Variants in DOCK7 observed in about 807,000 individuals in gnomAD.
DOCK7 encodes the protein dedicator of cytokinesis 7.
A neutral mutation model predicts 271.0 loss-of-function variants in DOCK7; 138 were observed. The ratio of observed to expected loss-of-function variants is 0.51; its 90% confidence interval spans 0.44 to 0.59. The LOEUF is 0.59. Among genes scored for constraint, DOCK7 ranks in the 20% least tolerant of loss-of-function variants. The pLI, the probability that DOCK7 is intolerant of heterozygous loss-of-function variation, is 0.00. For missense variants in DOCK7, 2,066 were observed against 2,592.4 expected, an observed-to-expected ratio of 0.80 and a Z score of 4.41; for synonymous variants, 823 against 876.1, an observed-to-expected ratio of 0.94 and a Z score of 1.07.
At chr1:62,677,602 CA>C (rs1397007952) in intron 1 of DOCK7, among the ~76,000 whole-genome samples, 1 of 151,268 alleles carries the variant, frequency 6.6e-6, no homozygotes, top group African/African-American at 2.4e-5. Context: ...GTGATATATC[CA>C]GAGTATCTGC....
chr1:62,579,257 G>A (rs899373549), intron 16 of DOCK7, among the ~76,000 whole-genome samples: 1 of 152,060 alleles, frequency 6.6e-6, no homozygotes, highest in Non-Finnish European at 1.5e-5. Flanking sequence ...CCATTAGATT[G>A]GAAGCTGCAT....
intron 41 of DOCK7, among the ~76,000 whole-genome samples, chr1:62,490,087 A>G (rs184623441): frequency 7.0e-6 from 1 of 142,026 alleles, no homozygotes; most frequent in African/African-American, 2.6e-5. Context: ...TTTAAATAAT[A>G]AGAGACAGGG....
intron 14 of DOCK7, chr1:62,605,290 G>A (rs1395745995): frequency 6.5e-6 from 1 of 155,020 alleles, no homozygotes; most frequent in African/African-American, 2.4e-5. Context: ...ACTAAAAATC[G>A]TCAGCACAGA....
intron 43 of DOCK7, chr1:62,482,124 T>C (rs1388048380): frequency 6.6e-6 from 1 of 152,176 alleles, no homozygotes; most frequent in Non-Finnish European, 1.5e-5. Context: ...ACAACAAAAA[T>C]AACAACTTTC....
At chr1:62,619,678 G>A (rs7550508) in intron 13 of DOCK7, among the ~76,000 whole-genome samples, 8 of 152,146 alleles carry the variant, frequency 5.3e-5, no homozygotes, top group Non-Finnish European at 1.0e-4. Context: ...GAAACAATAG[G>A]TAAGTGGGGA....
At chr1:62,585,185 A>C (rs1371616264) in intron 15 of DOCK7, among the ~76,000 whole-genome samples, 1 of 152,192 alleles carries the variant, frequency 6.6e-6, no homozygotes, top group African/African-American at 2.4e-5. Flanking sequence ...TAATCTGAAA[A>C]AAATGCCATA....
At chr1:62,456,315 CTTAAA>C (rs1645346593) in intron 49 of DOCK7, among the ~76,000 whole-genome samples, 1 of 151,122 alleles carries the variant, frequency 6.6e-6, no homozygotes, top group African/African-American at 2.4e-5. Context: ...GAATTTTAAA[CTTAAA>C]TTCTAAAAAA....
At chr1:62,655,228 G>GA (rs1200845697) in intron 2 of DOCK7, among the ~76,000 whole-genome samples, 1 of 151,738 alleles carries the variant, frequency 6.6e-6, no homozygotes, top group Admixed American at 6.6e-5. Context: ...GTTCGAAAAA[G>GA]AAAAAAATAT....
At position 62,529,430 on chromosome 1, in the gene DOCK7, T is replaced by C. The variant is rs376861565; in HGVS notation, c.3628A>G (p.Lys1210Glu). 12 of 1,610,064 alleles carry C rather than the reference T, an allele frequency of 7.5e-6. No individual in the cohort carries two copies. The highest frequency in any genetic ancestry group is 1.3e-5 in the African/African-American group (1 of 74,764). ...TTGTGTACCATATTGATGACTTTCT[T>C]ATGCAATCCAAACAGTCTATTTAAA... ...PDAEGLFGLH[K>E]KVINMVHNLL... The change falls in exon 30 of 50, where the codon AAG (lysine) becomes GAG (glutamate). Residue 1210 changes from lysine to glutamate, a missense_variant. Transcript: ENST00000635253.
intron 24 of DOCK7, among the ~76,000 whole-genome samples, chr1:62,543,115 C>T (rs1645591056): frequency 6.6e-6 from 1 of 151,132 alleles, no homozygotes; most frequent in Admixed American, 6.7e-5. Flanking sequence ...TTAAACTTTG[C>T]TATGAGCCAT....
intron 18 of DOCK7, among the ~76,000 whole-genome samples, chr1:62,565,650 C>G (rs1416692815): frequency 6.6e-6 from 1 of 152,146 alleles, no homozygotes; most frequent in African/African-American, 2.4e-5. Context: ...AAAACTGGCA[C>G]AAGACAAGGA....
chr1:62,522,720 C>T (rs1187912796), intron 31 of DOCK7, among the ~76,000 whole-genome samples: 1 of 151,892 alleles, frequency 6.6e-6, no homozygotes, highest in African/African-American at 2.4e-5. Context: ...GAAGAAACTA[C>T]ATTGTTATTA....
chr1:62,548,929 T>A (rs1264821732), intron 22 of DOCK7, among the ~76,000 whole-genome samples: 1 of 152,222 alleles, frequency 6.6e-6, no homozygotes, highest in Non-Finnish European at 1.5e-5. Context: ...GAAAAAGCAG[T>A]TAAGTTTAGA....
At chr1:62,544,412 T>C (rs909945834) in intron 23 of DOCK7, among the ~76,000 whole-genome samples, 1 of 152,166 alleles carries the variant, frequency 6.6e-6, no homozygotes, top group Non-Finnish European at 1.5e-5. Flanking sequence ...ACAGTACAAA[T>C]TAAAATGGAT....
chr1:62,673,954 A>AG (rs962608062), intron 1 of DOCK7, among the ~76,000 whole-genome samples: 6 of 85,010 alleles, frequency 7.1e-5, no homozygotes, highest in Admixed American at 5.8e-4. Context: ...GGGAGGGGGA[A>AG]GGGGGGGAGG....
intron 31 of DOCK7, among the ~76,000 whole-genome samples, chr1:62,523,583 T>G (rs1424229721): frequency 6.6e-6 from 1 of 152,286 alleles, no homozygotes; most frequent in East Asian, 1.9e-4. Context: ...AATCAGGCAT[T>G]CTAGGCTGGG....
intron 48 of DOCK7, among the ~76,000 whole-genome samples, chr1:62,464,346 C>A (rs1271804386): frequency 3.3e-5 from 5 of 150,466 alleles, no homozygotes; most frequent in South Asian, 2.2e-4. Context: ...CAGGCCTGAG[C>A]CACCATGCCT....
intron 14 of DOCK7, among the ~76,000 whole-genome samples, chr1:62,613,106 C>T (rs1311244019): frequency 6.6e-6 from 1 of 152,186 alleles, no homozygotes; most frequent in Non-Finnish European, 1.5e-5. Context: ...ACCTAACTTT[C>T]AGATGATTTC....
chr1:62,473,564 C>T (rs1287069698), intron 48 of DOCK7, among the ~76,000 whole-genome samples: 2 of 151,788 alleles, frequency 1.3e-5, no homozygotes, highest in Non-Finnish European at 2.9e-5. Flanking sequence ...TATTGTCAAC[C>T]GCTTTTCTGT....
Sources: allele counts gnomAD v4.1 joint callset (sites outside exome capture counted in the v4.1 genomes callset), GRCh38; gene constraint gnomAD v4.1.1; transcripts MANE v1.5; gene names NCBI Gene and HGNC (gene_info 2026-07-23, HGNC 2026-07-21).